The following PTPN18 variants were observed in gnomAD, a reference collection of about 807,000 sequenced individuals.
The protein encoded by PTPN18 is tyrosine-protein phosphatase non-receptor type 18.
Under a neutral mutation model 65.4 loss-of-function variants are expected in PTPN18, and 65 were observed. The ratio of observed to expected loss-of-function variants is 0.99; its 90% CI spans 0.81 to 1.22. The LOEUF is 1.22. PTPN18 is among the 50% of genes most tolerant of loss of function. The pLI is 0.00. For synonymous variants in PTPN18, 255 were observed against 267.8 expected (o/e 0.95, Z 0.47); for missense variants, 616 against 646.5 (o/e 0.95, Z 0.51).
At chr2:130,369,700 G>A in intron 6 of PTPN18, 65 bp from the exon 7 acceptor site, 2 of 1,454,184 alleles carry the variant, frequency 1.4e-6, no homozygotes, top group Non-Finnish European at 1.9e-6. Context: ...TTCTATAAAT[G>A]TCTTCTGGTA....
At chr2:130,367,967 A>G (rs899404849) in intron 5 of PTPN18, among the ~76,000 whole-genome samples, 3 of 151,870 alleles carry the variant, frequency 2.0e-5, no homozygotes, top group Non-Finnish European at 4.4e-5. Context: ...ATTTTGAATT[A>G]TTTATATTGC....
At chr2:130,361,520 TTCTTTC>T (rs1417742117) in intron 5 of PTPN18, among the ~76,000 whole-genome samples, 1 of 51,538 alleles carries the variant, frequency 1.9e-5, no homozygotes, top group Non-Finnish European at 4.6e-5. Context: ...TTCTCTTTCT[TTCTTTC>T]TTTCTTTCTT....
chr2:130,359,641 G>A lies in PTPN18; in HGVS notation c.409G>A (p.Gly137Arg). 5 of 1,614,136 alleles carry A rather than the reference G, an allele frequency of 3.1e-6. No individual in the cohort carries two copies. Among genetic ancestry groups the A allele is most frequent in the Non-Finnish European group, 4.2e-6 (5 of 1,179,992 alleles). ...ILMACREIEN[G>R]RKRCERYWAQ... ...GATGGCCTGTCGAGAGATAGAGAAT[G>A]GGCGGGTAGGTGCCCTCTGCCCCCA... Residue 137 changes from glycine (G) to arginine (R), a missense_variant, in exon 5 of 15, where the codon GGG becomes AGG. By Grantham distance (125) the Gly-to-Arg change is moderately radical. Around this residue, in one of 3 missense-constraint regions of PTPN18, gnomAD observed 223 missense variants for 210.0 expected, o/e 1.06. Coordinates refer to ENST00000175756, the MANE Select transcript of PTPN18 (RefSeq NM_014369.4).
intron 5 of PTPN18, among the ~76,000 whole-genome samples, chr2:130,368,526 A>C (rs1490456441): frequency 6.6e-6 from 1 of 152,200 alleles, no homozygotes; most frequent in Non-Finnish European, 1.5e-5. Flanking sequence ...GGAAATGTTC[A>C]TCCTACAGAT....
In PTPN18 at chr2:130,370,709, T is replaced by G. The variant is rs774515208; in HGVS notation, c.761T>G (p.Ile254Ser). The G allele has an allele frequency of 1.9e-6, 3 of 1,614,182 alleles. No homozygotes were observed. Among genetic ancestry groups the G allele is most frequent in the Non-Finnish European group, 2.5e-6 (3 of 1,180,010 alleles). The stretch of plus-strand genomic sequence containing the variant: ...TGCCTTGTCTGTCTGCCCCAGATGA[T>G]CCCACCTGACTTCAGTCTCTTTGAT... The part of the protein sequence containing the change: ...YVRQLLLTQM[I>S]PPDFSLFDVV... Residue 254 changes from isoleucine to serine, a missense_variant, in exon 10 of 15, where the codon ATC becomes AGC. Ile to Ser is a moderately radical substitution (Grantham distance 142, BLOSUM62 -2). This residue lies in a region of PTPN18 where 368 missense variants were observed against 386.7 expected (regional missense o/e 0.95). Transcript: ENST00000175756.
chr2:130,372,782 G>C (rs1187773211), intron 13 of PTPN18, 91 bp from the exon 14 acceptor site: 17 of 1,477,422 alleles, frequency 1.2e-5, no homozygotes, highest in South Asian at 2.3e-5. Flanking sequence ...TCTCCCCTTC[G>C]GGCCTCCGGG....
At chr2:130,363,671 A>T (rs1680296787) in intron 5 of PTPN18, among the ~76,000 whole-genome samples, 1 of 152,114 alleles carries the variant, frequency 6.6e-6, no homozygotes, top group East Asian at 1.9e-4. Flanking sequence ...GAATGGATCT[A>T]CCACATTTTA....
intron 5 of PTPN18, among the ~76,000 whole-genome samples, chr2:130,361,994 CT>C (rs59423945): frequency 4.2e-4 from 61 of 145,926 alleles, no homozygotes; most frequent in Admixed American, 8.2e-4. Context: ...ATTGTAGGGA[CT>C]TTTTTTTTTT....
chr2:130,367,588 C>T (rs913753087), intron 5 of PTPN18, among the ~76,000 whole-genome samples: 17 of 152,090 alleles, frequency 1.1e-4, no homozygotes, highest in South Asian at 2.1e-4. Flanking sequence ...GCAGGAGAAT[C>T]GCTTGAACCT....
Position 130,373,484 on chromosome 2 carries a change from A to T in PTPN18, c.*260A>T. 1 of 372,354 alleles carries T rather than the reference A, an allele frequency of 2.7e-6. No homozygotes were observed. The highest frequency in any genetic ancestry group is 4.4e-5 in the Admixed American group (1 of 22,786). 23.1% of individuals were successfully genotyped at this position (372,354 alleles called of 1,614,324 possible). On this transcript the variant is annotated 3_prime_UTR_variant, in exon 15 of 15. Transcript: ENST00000175756. This position sits in a 1 kb window ranked among gnomAD's most constrained non-coding sequence, Gnocchi z 4.1. ...AGATCAGGAAGGGGCATGACCCCTG[A>T]GTTATGAAGGGGAGAAGGGACAGAT...
chr2:130,356,324 G>T, intron 1 of PTPN18, 124 bp downstream of exon 1: 1 of 657,508 alleles, frequency 1.5e-6, no homozygotes, highest in Admixed American at 4.2e-5. Flanking sequence ...CGCCTCGGGG[G>T]GTCTCTCCGT....
chr2:130,356,068 C>A lies in PTPN18; in HGVS notation c.-40C>A, dbSNP rs1418247363. 5.0e-6 allele frequency: 6 copies of A among 1,193,600 alleles called. No individual in the cohort carries two copies. The highest frequency in any genetic ancestry group is 6.3e-6 in the Non-Finnish European group (6 of 954,294). The allele number at this position is 1,193,600 out of a possible 1,614,324, so 73.9% of individuals were successfully genotyped here. On this transcript the variant is annotated 5_prime_UTR_variant, in exon 1 of 15. Coordinates refer to ENST00000175756, the MANE Select transcript of PTPN18 (RefSeq NM_014369.4). ...TCCCGCGGCGTCCACACTCGCCGCG[C>A]GCGCGGCGGCCGGGCTGGACCTTGC...
In PTPN18 at chr2:130,370,966, TAC is replaced by T. The variant is rs1680543297; in HGVS notation, c.924+4_924+5del. 1.9e-6 allele frequency: 3 copies of T among 1,613,090 alleles called. No individual in the cohort carries two copies. The highest frequency in any genetic ancestry group is 2.5e-6 in the Non-Finnish European group (3 of 1,179,336). On this transcript the variant is annotated splice_donor_region_variant and intron_variant, in intron 11 of 14. Coordinates refer to ENST00000175756, the MANE Select transcript of PTPN18 (RefSeq NM_014369.4). ...CCCCACTACCAGAACATCAAAGAGG[TAC>T]AGAGGCTCCTTTCCCACTCTCCTGT...
intron 5 of PTPN18, 80 bp from the exon 6 acceptor site, chr2:130,369,053 T>C: frequency 8.3e-7 from 1 of 1,209,304 alleles, no homozygotes; most frequent in Non-Finnish European, 1.2e-6. Flanking sequence ...GCACCTGGGG[T>C]GTCTTGTGGC....
intron 5 of PTPN18, among the ~76,000 whole-genome samples, chr2:130,364,578 C>T (rs1680323811): frequency 6.6e-6 from 1 of 152,134 alleles, no homozygotes; most frequent in African/African-American, 2.4e-5. Flanking sequence ...AGGCAGATCA[C>T]GAGGTCAGGA....
At position 130,374,862 on chromosome 2, in the gene PTPN18, G is replaced by A. The variant is rs1680694857; in HGVS notation, c.*1638G>A. ...CCACTCTCCTGCAGCCTTCAATCAA[G>A]GAATGATGGGGATGTGTACATACCC... On this transcript the variant is annotated 3_prime_UTR_variant, in exon 15 of 15. Coordinates refer to ENST00000175756, the MANE Select transcript of PTPN18 (RefSeq NM_014369.4). 3 of 359,204 alleles carry A rather than the reference G, an allele frequency of 8.4e-6. No homozygotes were observed. The highest frequency in any genetic ancestry group is 2.1e-5 in the African/African-American group (1 of 46,980). The allele number at this position is 359,204 out of a possible 1,614,324, so 22.3% of individuals were successfully genotyped here.
At position 130,372,412 on chromosome 2, in the gene PTPN18, G is replaced by T; in HGVS notation, c.1169G>T (p.Ser390Ile). 1 of 1,368,454 alleles carries T rather than the reference G, an allele frequency of 7.3e-7. No homozygotes were observed. Among genetic ancestry groups the T allele is most frequent in the African/African-American group, 1.5e-5 (1 of 65,160 alleles). 84.8% of individuals were successfully genotyped at this position (1,368,454 alleles called of 1,614,324 possible). Reference sequence around the variant, plus strand: ...AGCGCGGAGGAGGCGCCGCTCTACAGCAAGGTGACGCCGCGCGCCCAGCGA... The same window carrying T: ...AGCGCGGAGGAGGCGCCGCTCTACATCAAGGTGACGCCGCGCGCCCAGCGA... ...ARSAEEAPLYSKVTPRAQRPG... is the reference protein window; with the variant it reads ...ARSAEEAPLYIKVTPRAQRPG... The change falls in exon 13 of 15, where the codon AGC becomes ATC. Residue 390 changes from serine to isoleucine, a missense_variant. By Grantham distance (142) the Ser-to-Ile change is moderately radical (BLOSUM62 -2). This residue lies in a region of PTPN18 where 368 missense variants were observed against 386.7 expected (regional missense o/e 0.95). Coordinates refer to ENST00000175756, the MANE Select transcript of PTPN18 (RefSeq NM_014369.4).
At chr2:130,370,469 T>G in intron 8 of PTPN18, 88 bp from the exon 9 acceptor site, 1 of 1,465,890 alleles carries the variant, frequency 6.8e-7, no homozygotes, top group Non-Finnish European at 9.6e-7. Flanking sequence ...AGGGGATCCA[T>G]CAGGACCCTC....
intron 5 of PTPN18, 53 bp from the exon 6 acceptor site, chr2:130,369,080 T>G: frequency 6.7e-7 from 1 of 1,498,924 alleles, no homozygotes; most frequent in Non-Finnish European, 9.2e-7. Flanking sequence ...GAGCTAGCTC[T>G]GAAGCTGACT....
Sources: allele counts gnomAD v4.1 joint callset (sites outside exome capture counted in the v4.1 genomes callset), GRCh38; gene constraint gnomAD v4.1.1; regional missense constraint gnomAD v4.1.1; non-coding constraint Gnocchi (gnomAD v3.1); transcripts MANE v1.5; gene names NCBI Gene and HGNC (gene_info 2026-07-23, HGNC 2026-07-21).